The following SLC1A7 variants were observed in gnomAD, a reference collection of about 807,000 sequenced individuals.
SLC1A7 encodes excitatory amino acid transporter 5.
In SLC1A7, 40 loss-of-function variants were observed where a neutral mutation model predicts 47.7. The ratio of observed to expected loss-of-function variants is 0.84; its 90% CI spans 0.65 to 1.09. The LOEUF is 1.09. Among genes scored for constraint, SLC1A7 ranks in the 50% least tolerant of loss-of-function variants. The pLI, the probability that SLC1A7 is intolerant of heterozygous loss-of-function variation, is 0.00. For synonymous variants in SLC1A7, 323 were observed against 325.6 expected (o/e 0.99, Z 0.09); for missense variants, 746 against 769.5 (o/e 0.97, Z 0.36).
rs569529181 is a variant in SLC1A7 at position 53,140,377 on chromosome 1, C to A, written c.135+1938G>T. Among the ~76,000 whole-genome samples, 13 of 152,242 alleles carry A rather than the reference C, an allele frequency of 8.5e-5. 1 individual carries two copies. In the South Asian group the frequency reaches 2.5e-3, roughly 29 times the overall value. ...GAGGAAAATTAAAGAGAACAGATTGCAGATTTTTTTGTTCCATTGCCAGTT... is the reference window on the plus strand; with the variant it reads ...GAGGAAAATTAAAGAGAACAGATTGAAGATTTTTTTGTTCCATTGCCAGTT... On this transcript the variant is annotated intron_variant, in intron 1 of 10. Coordinates refer to ENST00000371494, the MANE Select transcript of SLC1A7 (RefSeq NM_006671.6).
At chr1:53,089,050 A>T in intron 9 of SLC1A7, 71 bp from the exon 10 acceptor site, 1 of 1,164,506 alleles carries the variant, frequency 8.6e-7, no homozygotes. Context: ...TGCTCAACCC[A>T]GCACAGTACA....
Position 53,103,419 on chromosome 1 carries a change from G to A in SLC1A7, c.624C>T (p.Val208=), listed in dbSNP as rs374320736. 4.7e-5 allele frequency: 76 copies of A among 1,611,698 alleles called. 1 individual carries two copies. In the Admixed American group the frequency reaches 1.1e-3, roughly 24 times the overall value. The stretch of plus-strand genomic sequence containing the variant: ...TGGTGCCCGGCTCTGACTTGTAAAC[G>A]ACCTCGGGCGGCGGGGTCAGGTCCA... ...FALDLTPPPE[V]VYKSEPGTSD... Residue 208 remains valine (V), a synonymous_variant, in exon 5 of 11, where the codon GTC becomes GTT. Transcript: ENST00000371494.
chr1:53,104,247 G>A (rs980720116), intron 4 of SLC1A7, among the ~76,000 whole-genome samples: 2 of 152,192 alleles, frequency 1.3e-5, no homozygotes, highest in Admixed American at 1.3e-4. Flanking sequence ...ATGGGACCGT[G>A]ATAGCATCTA....
Position 53,093,411 on chromosome 1 carries a change from C to G in SLC1A7, c.797+50G>C, listed in dbSNP as rs777636378. The G allele has an allele frequency of 2.8e-6, 4 of 1,413,076 alleles. No homozygotes were observed. The South Asian group carries it at 4.8e-5, about 17-fold the overall frequency. The allele number at this position is 1,413,076 out of a possible 1,614,324, so 87.5% of individuals were successfully genotyped here. A position where few individuals can be genotyped will look rare whatever the true frequency, so the allele number is the denominator to read the frequency against. On this transcript the variant is annotated intron_variant, in intron 6 of 10. Transcript: ENST00000371494. ...AAGAGGGTGGGGTCTTGTCTTCCCTCCATCCACCCAGGGCTGGCCGGGGTG... is the reference window on the plus strand; with the variant it reads ...AAGAGGGTGGGGTCTTGTCTTCCCTGCATCCACCCAGGGCTGGCCGGGGTG...
rs1469534943 is a variant in SLC1A7 at position 53,142,369 on chromosome 1, G to A, written c.81C>T (p.Val27=). Reference sequence around the variant, plus strand: ...AGAAGCCGAGGAGGCAGCCCACGATGACAGACAGCACAGACAGGATGAGGA... The same window carrying A: ...AGAAGCCGAGGAGGCAGCCCACGATAACAGACAGCACAGACAGGATGAGGA... ...NGLLILSVLS[V]IVGCLLGFFL... Residue 27 remains valine, a synonymous_variant, in exon 1 of 11, where the codon GTC becomes GTT. Transcript: ENST00000371494. The A allele has an allele frequency of 1.9e-6, 3 of 1,598,302 alleles. No individual in the cohort carries two copies. The highest frequency in any genetic ancestry group is 2.6e-6 in the Non-Finnish European group (3 of 1,172,234).
chr1:53,101,197 T>A (rs1286664993), intron 5 of SLC1A7, among the ~76,000 whole-genome samples: 1 of 134,558 alleles, frequency 7.4e-6, no homozygotes, highest in East Asian at 2.4e-4. Context: ...CAAATCGTCT[T>A]GGTACTCTCA....
chr1:53,088,982 G>A lies in SLC1A7; in HGVS notation c.1362-3C>T. On this transcript the variant is annotated splice_polypyrimidine_tract_variant and splice_region_variant and intron_variant, in intron 9 of 10. Coordinates refer to ENST00000371494, the MANE Select transcript of SLC1A7 (RefSeq NM_006671.6). ...TAATCATGGTGCGGAAACGGTCCCT[G>A]GTGAGCCAAGGTTGGGGGTGAGTGG... 2 of 1,613,276 alleles carry A rather than the reference G, an allele frequency of 1.2e-6. No homozygotes were observed. The highest frequency in any genetic ancestry group is 1.7e-6 in the Non-Finnish European group (2 of 1,179,334).
chr1:53,103,257 A>G, intron 5 of SLC1A7, 89 bp downstream of exon 5: 1 of 927,660 alleles, frequency 1.1e-6, no homozygotes, highest in East Asian at 2.6e-5. Flanking sequence ...CATTCTCCCC[A>G]GACCTCAGTA....
chr1:53,095,912 CGCCTCGGTACACTCACACAAACT>C (rs1644482863), intron 5 of SLC1A7, among the ~76,000 whole-genome samples: 4 of 147,716 alleles, frequency 2.7e-5, no homozygotes, highest in African/African-American at 7.5e-5. Context: ...TCACACAACC[CGCCTCGGTACACTCACACAAACT>C]GCCTTGGTAC....
At chr1:53,126,217 C>T (rs957860713) in intron 2 of SLC1A7, among the ~76,000 whole-genome samples, 1 of 152,332 alleles carries the variant, frequency 6.6e-6, no homozygotes, top group East Asian at 1.9e-4. Flanking sequence ...CAGGGAGGTG[C>T]TCACTGTTCA....
At chr1:53,114,716 G>A (rs749931579) in intron 3 of SLC1A7, 42 bp downstream of exon 3, 83 of 1,571,476 alleles carry the variant, frequency 5.3e-5, no homozygotes, top group Non-Finnish European at 6.6e-5. Flanking sequence ...GGGCAGGCTC[G>A]GGCCTGGCGT....
rs149282554 is a variant in SLC1A7, at chr1:53,100,449, C to T, written c.697+2897G>A. Among the ~76,000 whole-genome samples the T allele has an allele frequency of 1.3e-4, 20 of 150,352 alleles. No homozygotes were observed. The East Asian group carries it at 3.2e-3, about 24-fold the overall frequency. Reference sequence around the variant, plus strand: ...TTCAGTACACTCACACGTCCCACCTCGGTCCACTCATACACACTGCCTTGG... The same window carrying T: ...TTCAGTACACTCACACGTCCCACCTTGGTCCACTCATACACACTGCCTTGG... On this transcript the variant is annotated intron_variant, in intron 5 of 10. Coordinates refer to ENST00000371494, the MANE Select transcript of SLC1A7 (RefSeq NM_006671.6).
chr1:53,112,958 T>C (rs1234622824), intron 3 of SLC1A7, among the ~76,000 whole-genome samples: 1 of 151,822 alleles, frequency 6.6e-6, no homozygotes, highest in Non-Finnish European at 1.5e-5. Flanking sequence ...TCTCCCAGTC[T>C]GGGCAGCCCT....
intron 1 of SLC1A7, among the ~76,000 whole-genome samples, chr1:53,141,493 G>A (rs114500767): frequency 1.3e-5 from 2 of 152,018 alleles, no homozygotes; most frequent in Non-Finnish European, 2.9e-5. Flanking sequence ...TAACACCATG[G>A]GAATGTCCCT....
chr1:53,126,686 G>A (rs2150341038), intron 2 of SLC1A7, among the ~76,000 whole-genome samples: 1 of 152,314 alleles, frequency 6.6e-6, no homozygotes, highest in South Asian at 2.1e-4. Flanking sequence ...CAGCTCTGGG[G>A]CCCAGACAGT....
At chr1:53,093,972 A>C (rs1644455836) in intron 5 of SLC1A7, among the ~76,000 whole-genome samples, 1 of 152,082 alleles carries the variant, frequency 6.6e-6, no homozygotes, top group Non-Finnish European at 1.5e-5. Flanking sequence ...AGTTTCTGGA[A>C]GGAGGGAGTC....
chr1:53,089,989 AG>A, intron 8 of SLC1A7, 55 bp from the exon 9 acceptor site: 1 of 1,599,412 alleles, frequency 6.3e-7, no homozygotes, highest in South Asian at 1.1e-5. Flanking sequence ...GTGCATTGTC[AG>A]GGTCTGGCTC....
At position 53,087,972 on chromosome 1, in the gene SLC1A7, C is replaced by T; in HGVS notation, c.*37G>A. On this transcript the variant is annotated 3_prime_UTR_variant, in exon 11 of 11. Coordinates refer to ENST00000371494, the MANE Select transcript of SLC1A7 (RefSeq NM_006671.6). ...TCGAGTTCCTGCCTCAGGACCCTGC[C>T]CCTGGAGGCCTCGCCTGCCCCTGCA... The T allele has an allele frequency of 8.6e-7, 1 of 1,164,450 alleles. No homozygotes were observed. The allele number at this position is 1,164,450 out of a possible 1,614,324, so 72.1% of individuals were successfully genotyped here.
At chr1:53,124,376 C>T (rs1644859361) in intron 2 of SLC1A7, among the ~76,000 whole-genome samples, 1 of 151,984 alleles carries the variant, frequency 6.6e-6, no homozygotes, top group Non-Finnish European at 1.5e-5. Flanking sequence ...CATGCACAGC[C>T]CTAGTGAATC....
Sources: allele counts gnomAD v4.1 joint callset (sites outside exome capture counted in the v4.1 genomes callset), GRCh38; gene constraint gnomAD v4.1.1; transcripts MANE v1.5; gene names NCBI Gene and HGNC (gene_info 2026-07-23, HGNC 2026-07-21).